Variants in MRPS27 observed in about 807,000 individuals in gnomAD.
MRPS27 encodes the protein mitochondrial ribosomal protein S27.
In MRPS27, 43 loss-of-function variants were observed where a neutral mutation model predicts 48.9. The observed-to-expected ratio is 0.88, with a 90% CI of 0.69 to 1.13. MRPS27 has a LOEUF of 1.13. MRPS27 is among the 50% of genes most tolerant of loss of function. The probability of loss-of-function intolerance (pLI) is 0.00; values close to 1 mark genes in which losing one functional copy is unlikely to be tolerated. For synonymous variants in MRPS27, 188 were observed against 171.9 expected (o/e 1.09, Z -0.73); for missense variants, 467 against 476.3 (o/e 0.98, Z 0.18).
At chr5:72,228,120 C>T (rs547335612) in intron 8 of MRPS27, 146 bp downstream of exon 8, 40 of 695,892 alleles carry the variant, frequency 5.7e-5, no homozygotes, top group Non-Finnish European at 5.6e-5. Flanking sequence ...ACTGTAAGGC[C>T]ATCAAGGTCT....
chr5:72,317,714 G>GT (rs1750600048), intron 1 of MRPS27, among the ~76,000 whole-genome samples: 2 of 146,442 alleles, frequency 1.4e-5, no homozygotes, highest in Non-Finnish European at 3.0e-5. Flanking sequence ...TTGAGATGGA[G>GT]TATCTCTCTG....
intron 2 of MRPS27, among the ~76,000 whole-genome samples, chr5:72,311,472 G>A (rs986746978): frequency 2.0e-5 from 3 of 152,262 alleles, no homozygotes; most frequent in East Asian, 1.9e-4. Context: ...GTTTTGAGAG[G>A]CCAGTGGATC....
At chr5:72,283,492 C>T (rs1029897204) in intron 4 of MRPS27, among the ~76,000 whole-genome samples, 3 of 152,126 alleles carry the variant, frequency 2.0e-5, no homozygotes, top group Non-Finnish European at 4.4e-5. Flanking sequence ...TCACATGGCT[C>T]CAAGGGACTC....
chr5:72,246,306 G>A (rs1237422389), intron 4 of MRPS27, among the ~76,000 whole-genome samples: 2 of 152,208 alleles, frequency 1.3e-5, no homozygotes, highest in East Asian at 3.8e-4. Context: ...CAAGGCAGGA[G>A]GAGATGAAAG....
At chr5:72,248,974 G>C (rs950603247) in intron 4 of MRPS27, among the ~76,000 whole-genome samples, 1 of 152,220 alleles carries the variant, frequency 6.6e-6, no homozygotes, top group African/African-American at 2.4e-5. Flanking sequence ...CAATTACACT[G>C]AGTTCGAAGG....
At chr5:72,301,023 T>G (rs561572292) in intron 2 of MRPS27, among the ~76,000 whole-genome samples, 1 of 152,344 alleles carries the variant, frequency 6.6e-6, no homozygotes, top group East Asian at 1.9e-4. Context: ...GCAATTGGGT[T>G]TCCAAGGTTT....
intron 2 of MRPS27, among the ~76,000 whole-genome samples, chr5:72,308,327 A>C (rs1345185684): frequency 3.9e-5 from 6 of 152,204 alleles, no homozygotes; most frequent in Non-Finnish European, 8.8e-5. Flanking sequence ...TGGCACATGA[A>C]GCCCACACCC....
In MRPS27 at chr5:72,228,321, T is replaced by C. The variant is rs761181552; in HGVS notation, c.639A>G (p.Leu213=). 2.5e-6 allele frequency: 4 copies of C among 1,613,704 alleles called. No individual in the cohort carries two copies. The highest frequency in any genetic ancestry group is 2.5e-6 in the Non-Finnish European group (3 of 1,179,742). Residue 213 remains leucine (L), a synonymous_variant, in exon 8 of 11, where the codon CTA becomes CTG. Coordinates refer to ENST00000261413, the MANE Select transcript of MRPS27 (RefSeq NM_015084.3). ...NFGASLLLPG[L]KQKNSVGFSS... ...TGAAACCCACTGAGTTCTTTTGTTT[T>C]AGGCCTGGAAGCAAAAGGGATGCAC...
At chr5:72,232,770 G>A (rs1287586796) in intron 6 of MRPS27, among the ~76,000 whole-genome samples, 3 of 152,074 alleles carry the variant, frequency 2.0e-5, no homozygotes, top group Admixed American at 6.6e-5. Context: ...ATACCAGAAC[G>A]AACTAAATCA....
chr5:72,315,902 G>A (rs544749308), intron 1 of MRPS27, among the ~76,000 whole-genome samples: 1 of 152,168 alleles, frequency 6.6e-6, no homozygotes, highest in Admixed American at 6.5e-5. Context: ...ATGAAAACTT[G>A]TGTCCACAGA....
intron 4 of MRPS27, among the ~76,000 whole-genome samples, chr5:72,239,648 T>A (rs1748298722): frequency 6.6e-6 from 1 of 152,102 alleles, no homozygotes; most frequent in Non-Finnish European, 1.5e-5. Context: ...CCTTTAGTAT[T>A]CCATGTTTTC....
intron 4 of MRPS27, among the ~76,000 whole-genome samples, chr5:72,249,340 A>T (rs9293823): frequency 0.96 from 146,912 of 152,322 alleles, 70,873 homozygotes; most frequent in East Asian, 1. Flanking sequence ...GAGACAAAGA[A>T]GAATAAACAT....
At position 72,235,612 on chromosome 5, in the gene MRPS27, C is replaced by T. The variant is rs75581189; in HGVS notation, c.397-1415G>A. ...TATGCATGTGTTGGGGCAGGGAGTA[C>T]ATAGAAAATCTATGTACTTTCCACT... On this transcript the variant is annotated intron_variant, in intron 5 of 10. Coordinates refer to ENST00000261413, the MANE Select transcript of MRPS27 (RefSeq NM_015084.3). 3.7e-3 allele frequency among the ~76,000 whole-genome samples: 568 copies of T among 152,216 alleles called. 1 individual carries two copies. Among genetic ancestry groups the T allele is most frequent in the African/African-American group, 0.013 (552 of 41,532 alleles).
intron 2 of MRPS27, among the ~76,000 whole-genome samples, chr5:72,309,290 G>A (rs1263229003): frequency 6.6e-6 from 1 of 151,520 alleles, no homozygotes; most frequent in Non-Finnish European, 1.5e-5. Context: ...TTTTGAGACA[G>A]AGTCAGCTCT....
intron 4 of MRPS27, among the ~76,000 whole-genome samples, chr5:72,271,344 G>A (rs1306727805): frequency 1.3e-5 from 2 of 152,110 alleles, no homozygotes; most frequent in Non-Finnish European, 2.9e-5. Context: ...ACTGGAAAGT[G>A]GAATTTAGGA....
Position 72,298,722 on chromosome 5 carries a change from AAC to A in MRPS27, c.152-1022_152-1021del, listed in dbSNP as rs569632499. Among the ~76,000 whole-genome samples the A allele has an allele frequency of 5.6e-3, 837 of 149,984 alleles. 25 individuals are homozygous for A. The highest frequency in any genetic ancestry group is 0.019 in the African/African-American group (781 of 40,886). ...AGCGAGACTCCGTCTCAAAAAAAAA[AAC>A]AAAAAAAAAAAAAACAGAGCTACCA... On this transcript the variant is annotated intron_variant, in intron 2 of 10. Coordinates refer to ENST00000261413, the MANE Select transcript of MRPS27 (RefSeq NM_015084.3).
At position 72,303,131 on chromosome 5, in the gene MRPS27, G is replaced by A. The variant is rs374227976; in HGVS notation, c.152-5429C>T. ...GAATTTGGGGTATAGGGCCAGAAGC[G>A]GAAGGAGAAAAGGGTTAAAGAATAG... On this transcript the variant is annotated intron_variant, in intron 2 of 10. Coordinates refer to ENST00000261413, the MANE Select transcript of MRPS27 (RefSeq NM_015084.3). Among the ~76,000 whole-genome samples, 9 of 152,280 alleles carry A rather than the reference G, an allele frequency of 5.9e-5. No individual in the cohort carries two copies. In the South Asian group the frequency reaches 6.2e-4, roughly 11 times the overall value.
chr5:72,248,876 T>C (rs1748582029), intron 4 of MRPS27, among the ~76,000 whole-genome samples: 1 of 152,164 alleles, frequency 6.6e-6, no homozygotes, highest in Admixed American at 6.5e-5. Flanking sequence ...AGATCATGGC[T>C]GCACTTTGTG....
chr5:72,302,164 A>C (rs1376529338), intron 2 of MRPS27, among the ~76,000 whole-genome samples: 1 of 152,218 alleles, frequency 6.6e-6, no homozygotes, highest in Non-Finnish European at 1.5e-5. Flanking sequence ...ATGTATACTA[A>C]AAATGCCCTT....
Sources: allele counts gnomAD v4.1 joint callset (sites outside exome capture counted in the v4.1 genomes callset), GRCh38; gene constraint gnomAD v4.1.1; transcripts MANE v1.5; gene names NCBI Gene and HGNC (gene_info 2026-07-23, HGNC 2026-07-21).